UPRT: variants seen among roughly 807,000 people sequenced by gnomAD.
UPRT encodes RP11-311P8.3.
UPRT carries 5 observed loss-of-function variants against 22.6 expected under a neutral mutation model. The observed-to-expected ratio is 0.22, with a 90% CI of 0.12 to 0.47. The LOEUF (loss-of-function observed/expected upper bound fraction) is 0.47. UPRT is among the 20% of genes least tolerant of loss of function. The probability of loss-of-function intolerance (pLI) is 0.99; values close to 1 mark genes in which losing one functional copy is unlikely to be tolerated. For synonymous variants in UPRT, 77 were observed against 87.7 expected (o/e 0.88, Z 0.68); for missense variants, 181 against 239.9 (o/e 0.75, Z 1.62).
intron 4 of UPRT, among the ~76,000 whole-genome samples, chrX:75,254,999 TCTC>T (rs1176215271): frequency 9.1e-5 from 10 of 110,038 alleles, no homozygotes; most frequent in Non-Finnish European, 1.5e-4. Context: ...ATGGTCTCGA[TCTC>T]CTGACCTCAT....
Position 75,303,638 on chromosome X carries a change from G to T in UPRT, c.*127G>T. The T allele has an allele frequency of 1.9e-6, 1 of 514,073 alleles. No individual in the cohort carries two copies. The highest frequency in any genetic ancestry group is 3.1e-6 in the Non-Finnish European group (1 of 325,647). 42.4% of individuals were successfully genotyped at this position (514,073 alleles called of 1,213,427 possible). ...AAAATGCTTTTTAGTTTTGGAAGTG[G>T]GTATATTTGAGGTTATATCTCATTT... On this transcript the variant is annotated 3_prime_UTR_variant, in exon 7 of 7. Transcript: ENST00000373383.
intron 1 of UPRT, among the ~76,000 whole-genome samples, chrX:75,289,219 T>A (rs186059313): frequency 1.1e-3 from 125 of 110,679 alleles, no homozygotes; most frequent in Non-Finnish European, 1.8e-3. Context: ...TTACAATAGC[T>A]GCAAAAAAAT....
intron 3 of UPRT, among the ~76,000 whole-genome samples, chrX:75,165,963 T>G (rs1025411306): frequency 1.8e-5 from 2 of 111,712 alleles, no homozygotes; most frequent in Non-Finnish European, 3.8e-5. Context: ...GTTTCTGAAA[T>G]ATAACTTATT....
At chrX:75,253,364 C>T (rs1022718870) in intron 4 of UPRT, among the ~76,000 whole-genome samples, 4 of 111,967 alleles carry the variant, frequency 3.6e-5, no homozygotes, top group Non-Finnish European at 7.5e-5. Flanking sequence ...AATGAGATAG[C>T]ATCTCCAACA....
intron 4 of UPRT, among the ~76,000 whole-genome samples, chrX:75,253,248 A>T (rs1460974829): frequency 8.9e-6 from 1 of 112,288 alleles, no homozygotes; most frequent in Non-Finnish European, 1.9e-5. Flanking sequence ...AAGTGGGCAG[A>T]GGACATGAAC....
exon 1 of UPRT, among the ~76,000 whole-genome samples, chrX:75,156,497 CTG>C (rs900896989): frequency 2.7e-5 from 3 of 111,739 alleles, no homozygotes; most frequent in African/African-American, 6.5e-5. Flanking sequence ...TGGAGTAACA[CTG>C]TATTTTTCTC....
intron 4 of UPRT, among the ~76,000 whole-genome samples, chrX:75,180,236 C>T (rs1481357507): frequency 8.9e-6 from 1 of 112,290 alleles, no homozygotes; most frequent in Admixed American, 9.4e-5. Flanking sequence ...TCTGTCAGCC[C>T]TCCCCAAGAA....
intron 2 of UPRT, 130 bp downstream of exon 2, chrX:75,293,644 T>G: frequency 1.5e-6 from 1 of 648,720 alleles, no homozygotes; most frequent in Non-Finnish European, 2.2e-6. Context: ...ATCATCTTGC[T>G]AGGCTAATGA....
At chrX:75,161,324 G>C (rs913768720) in intron 2 of UPRT, among the ~76,000 whole-genome samples, 1 of 112,898 alleles carries the variant, frequency 8.9e-6, no homozygotes, top group Non-Finnish European at 1.9e-5. Flanking sequence ...CAGAAGGTCT[G>C]ATTCCAGAGC....
intron 4 of UPRT, among the ~76,000 whole-genome samples, chrX:75,189,538 G>T (rs2082307488): frequency 9.0e-6 from 1 of 111,592 alleles, no homozygotes; most frequent in Non-Finnish European, 1.9e-5. Flanking sequence ...GGAGATCCTT[G>T]TTAACTTTCT....
chrX:75,231,897 G>A (rs1289248197), intron 4 of UPRT, among the ~76,000 whole-genome samples: 2 of 112,218 alleles, frequency 1.8e-5, no homozygotes, highest in Non-Finnish European at 3.8e-5. Flanking sequence ...AATGCTAAGA[G>A]AATTTGCCAC....
At chrX:75,250,726 C>T (rs935150268) in intron 4 of UPRT, among the ~76,000 whole-genome samples, 2 of 111,255 alleles carry the variant, frequency 1.8e-5, no homozygotes, top group Non-Finnish European at 3.8e-5. Context: ...CCAGCATCAT[C>T]CTGATACCAA....
At chrX:75,297,658 A>G (rs1240663122) in intron 4 of UPRT, 105 bp downstream of exon 4, 11 of 907,139 alleles carry the variant, frequency 1.2e-5, no homozygotes, top group Admixed American at 4.5e-5. Context: ...GCCTGCCTTT[A>G]GTTAAATCTC....
At chrX:75,277,678 T>G (rs776855646) in intron 1 of UPRT, among the ~76,000 whole-genome samples, 1 of 111,834 alleles carries the variant, frequency 8.9e-6, no homozygotes, top group Admixed American at 9.5e-5. Context: ...GCTGTCTTCT[T>G]GATTTGTCAG....
At chrX:75,289,023 T>G (rs1024117042) in intron 1 of UPRT, among the ~76,000 whole-genome samples, 1 of 111,123 alleles carries the variant, frequency 9.0e-6, no homozygotes, top group Non-Finnish European at 1.9e-5. Flanking sequence ...CCAAAATCAG[T>G]AGTATTTATA....
chrX:75,205,915 T>A (rs2082364890), intron 4 of UPRT, among the ~76,000 whole-genome samples: 1 of 111,476 alleles, frequency 9.0e-6, no homozygotes, highest in South Asian at 3.8e-4. Flanking sequence ...CTGAGGGGCT[T>A]TTGGGGAATG....
intron 4 of UPRT, among the ~76,000 whole-genome samples, chrX:75,257,745 G>T (rs1602477804): frequency 9.0e-6 from 1 of 111,202 alleles, no homozygotes; most frequent in East Asian, 2.8e-4. Context: ...ATCAAATCAA[G>T]AACTCAACCC....
intron 1 of UPRT, among the ~76,000 whole-genome samples, chrX:75,293,146 C>G (rs2082714176): frequency 9.0e-6 from 1 of 111,116 alleles, no homozygotes; most frequent in Admixed American, 9.6e-5. Context: ...TCAACTTTAG[C>G]TCTGGACTTG....
intron 4 of UPRT, among the ~76,000 whole-genome samples, chrX:75,263,167 G>C (rs998574996): frequency 2.7e-5 from 3 of 111,090 alleles, no homozygotes; most frequent in Non-Finnish European, 5.7e-5. Flanking sequence ...AGGGATATTG[G>C]TCTAAAATTC....
Sources: gnomAD v4.1 joint callset for allele counts (sites outside exome capture counted in the v4.1 genomes callset) on GRCh38, gnomAD v4.1.1 for gene constraint, MANE v1.5 for transcripts, NCBI Gene and HGNC (gene_info 2026-07-23, HGNC 2026-07-21) for gene names.